Variants in SPECC1 observed in about 807,000 individuals in gnomAD.
The protein encoded by SPECC1 is cytospin-B.
SPECC1 carries 62 observed loss-of-function variants against 104.1 expected under a neutral mutation model. The ratio of observed to expected loss-of-function variants is 0.60; its 90% CI spans 0.49 to 0.74. The LOEUF (loss-of-function observed/expected upper bound fraction) is 0.74, where lower values mean the gene tolerates loss of function less well. Ranked by LOEUF, SPECC1 falls within the 30% of genes least tolerant of loss-of-function variation. The pLI is 0.00. For missense variants in SPECC1, 1,306 were observed against 1,310.5 expected (o/e 1.00, Z 0.05); for synonymous variants, 513 against 501.6 (o/e 1.02, Z -0.30).
chr17:20,014,332 T>C (rs2044042474), intron 1 of SPECC1, among the ~76,000 whole-genome samples: 1 of 152,238 alleles, frequency 6.6e-6, no homozygotes, highest in Non-Finnish European at 1.5e-5. Context: ...ATGATTTTAA[T>C]TCTGTCCCAT....
At chr17:20,072,049 T>TG (rs1166398519) in intron 1 of SPECC1, among the ~76,000 whole-genome samples, 2 of 152,192 alleles carry the variant, frequency 1.3e-5, no homozygotes, top group African/African-American at 4.8e-5. Context: ...CCACGGCCAA[T>TG]GGGTTGGACA....
chr17:20,236,655 C>CT (rs34779112), intron 7 of SPECC1, among the ~76,000 whole-genome samples: 73,005 of 125,962 alleles, frequency 0.58, 21,511 homozygotes, highest in East Asian at 0.85. Context: ...TGCAGTCTGG[C>CT]TTTTTTTTTT....
intron 4 of SPECC1, among the ~76,000 whole-genome samples, chr17:20,225,658 G>A (rs2038154347): frequency 6.6e-6 from 1 of 152,186 alleles, no homozygotes; most frequent in Non-Finnish European, 1.5e-5. Flanking sequence ...ATGTTGGAGA[G>A]TCAAGACGGT....
chr17:20,195,308 A>G (rs1407460500), intron 3 of SPECC1, among the ~76,000 whole-genome samples: 1 of 152,208 alleles, frequency 6.6e-6, no homozygotes, highest in African/African-American at 2.4e-5. Context: ...GCCACATTTG[A>G]TAAGGAAATT....
At chr17:20,309,877 G>T (rs1241202613) in intron 14 of SPECC1, among the ~76,000 whole-genome samples, 1 of 147,734 alleles carries the variant, frequency 6.8e-6, no homozygotes, top group East Asian at 2.0e-4. Flanking sequence ...GAGTGCAATG[G>T]TGCAATCTTG....
intron 3 of SPECC1, among the ~76,000 whole-genome samples, chr17:20,180,640 T>C (rs1314172034): frequency 1.3e-5 from 2 of 152,250 alleles, no homozygotes; most frequent in East Asian, 1.9e-4. Context: ...TGGTGGGAAT[T>C]GCACAGCGAA....
At chr17:20,283,254 G>A (rs2040835467) in intron 12 of SPECC1, among the ~76,000 whole-genome samples, 1 of 152,142 alleles carries the variant, frequency 6.6e-6, no homozygotes, top group African/African-American at 2.4e-5. Context: ...GGCATTCCAA[G>A]GAATCCCAGA....
chr17:20,269,376 G>A (rs2040322928), intron 12 of SPECC1, among the ~76,000 whole-genome samples: 1 of 152,246 alleles, frequency 6.6e-6, no homozygotes, highest in Admixed American at 6.5e-5. Flanking sequence ...AATGTAGTAT[G>A]TGCTGGGCAG....
intron 10 of SPECC1, among the ~76,000 whole-genome samples, chr17:20,255,962 C>T (rs2039813637): frequency 6.6e-6 from 1 of 152,114 alleles, no homozygotes; most frequent in African/African-American, 2.4e-5. Flanking sequence ...ACTGCAATCT[C>T]TGCCTCCCAG....
At chr17:20,281,971 C>A (rs1440356592) in intron 12 of SPECC1, among the ~76,000 whole-genome samples, 1 of 152,236 alleles carries the variant, frequency 6.6e-6, no homozygotes, top group Non-Finnish European at 1.5e-5. Context: ...AGCCGCGGGG[C>A]TTCGCCTGCG....
chr17:20,306,985 G>A (rs984978152), intron 14 of SPECC1, among the ~76,000 whole-genome samples: 1 of 152,028 alleles, frequency 6.6e-6, no homozygotes, highest in African/African-American at 2.4e-5. Flanking sequence ...AAACCACAAG[G>A]AAAGAATGAT....
intron 12 of SPECC1, among the ~76,000 whole-genome samples, chr17:20,273,820 A>G (rs1373861751): frequency 3.3e-5 from 5 of 152,116 alleles, no homozygotes; most frequent in Non-Finnish European, 1.5e-5. Flanking sequence ...TCTCTTGTCC[A>G]TTGACTTTTC....
At chr17:20,168,561 A>G (rs2033843353) in intron 3 of SPECC1, among the ~76,000 whole-genome samples, 1 of 152,224 alleles carries the variant, frequency 6.6e-6, no homozygotes, top group Non-Finnish European at 1.5e-5. Flanking sequence ...ACAAGACTGT[A>G]TGACACTGTT....
intron 3 of SPECC1, among the ~76,000 whole-genome samples, chr17:20,191,192 T>C (rs919279192): frequency 1.3e-5 from 2 of 152,210 alleles, no homozygotes; most frequent in East Asian, 1.9e-4. Context: ...TAAAGATCCA[T>C]GTGCAGGTTT....
In SPECC1 at chr17:20,227,556, A is replaced by G; in HGVS notation, c.2007A>G (p.Glu669=). ...TGAAAGAAACCATATTTGAATTGGAAGATCAGGTGGAACAGCACCGGGCTG... is the reference window on the plus strand; with the variant it reads ...TGAAAGAAACCATATTTGAATTGGAGGATCAGGTGGAACAGCACCGGGCTG... ...KDMKETIFEL[E]DQVEQHRAVK... The change falls in exon 5 of 15, where the codon GAA becomes GAG. Residue 669 remains glutamate, a synonymous_variant. Coordinates refer to ENST00000395527, the MANE Select transcript of SPECC1 (RefSeq NM_001243439.2). The G allele has an allele frequency of 1.2e-6, 2 of 1,612,640 alleles. No homozygotes were observed. Among genetic ancestry groups the G allele is most frequent in the Admixed American group, 3.4e-5 (2 of 59,354 alleles).
chr17:20,144,122 T>C (rs1191688922), intron 3 of SPECC1, among the ~76,000 whole-genome samples: 2 of 151,376 alleles, frequency 1.3e-5, no homozygotes, highest in African/African-American at 4.9e-5. Context: ...GTTGGGACGA[T>C]AAGTAAATGA....
chr17:20,245,564 AT>A (rs937099802), intron 7 of SPECC1, among the ~76,000 whole-genome samples: 3 of 152,122 alleles, frequency 2.0e-5, no homozygotes, highest in African/African-American at 7.2e-5. Context: ...GGTCCACTGC[AT>A]TCACCATTGA....
At chr17:20,306,110 A>G in intron 14 of SPECC1, 28 bp downstream of exon 14, 1 of 1,598,930 alleles carries the variant, frequency 6.3e-7, no homozygotes. Context: ...TATCCTTGTG[A>G]TACTTTAATT....
rs2041894500 is a variant in SPECC1, at chr17:20,310,243, A to G, written c.3118-3733A>G. ...GATAGAACGATTTCTTTTCTTCTGG[A>G]TATATACCCAGTAATGATATTGCTG... On this transcript the variant is annotated intron_variant, in intron 14 of 14. Coordinates refer to ENST00000395527, the MANE Select transcript of SPECC1 (RefSeq NM_001243439.2). Among the ~76,000 whole-genome samples the G allele has an allele frequency of 2.0e-5, 3 of 152,110 alleles. No individual in the cohort carries two copies. The South Asian group carries it at 6.2e-4, about 32-fold the overall frequency.
Sources: gnomAD v4.1 joint callset for allele counts (sites outside exome capture counted in the v4.1 genomes callset) on GRCh38, gnomAD v4.1.1 for gene constraint, MANE v1.5 for transcripts, NCBI Gene and HGNC (gene_info 2026-07-23, HGNC 2026-07-21) for gene names.